Variants in PDCD11 observed in about 807,000 individuals in gnomAD.
The protein encoded by PDCD11 is programmed cell death 11, also known as protein RRP5 homolog.
PDCD11 carries 97 observed loss-of-function variants against 198.9 expected under a neutral mutation model. That is an observed-to-expected ratio of 0.49 (90% CI 0.41 to 0.58). PDCD11 has a LOEUF of 0.58. Ranked by LOEUF, PDCD11 falls within the 20% of genes least tolerant of loss-of-function variation. The probability of loss-of-function intolerance (pLI) is 0.00; values close to 1 mark genes in which losing one functional copy is unlikely to be tolerated. For synonymous variants in PDCD11, 893 were observed against 918.0 expected (o/e 0.97, Z 0.49); for missense variants, 2,102 against 2,312.7 (o/e 0.91, Z 1.87).
chr10:103,400,285 G>A, intron 2 of PDCD11, 112 bp from the exon 3 acceptor site: 1 of 863,828 alleles, frequency 1.2e-6, no homozygotes, highest in East Asian at 2.6e-5. Context: ...ATGGGGTAGG[G>A]TGGAGTGAAG....
At chr10:103,429,736 A>G (rs1166215718) in intron 21 of PDCD11, among the ~76,000 whole-genome samples, 1 of 152,010 alleles carries the variant, frequency 6.6e-6, no homozygotes, top group African/African-American at 2.4e-5. Flanking sequence ...TTATACAGCA[A>G]ATCTCTAGAA....
rs1373115713 is a variant in PDCD11, at chr10:103,444,625, A to G, written c.5387A>G (p.Asp1796Gly). The G allele has an allele frequency of 1.2e-6, 2 of 1,614,170 alleles. No homozygotes were observed. The highest frequency in any genetic ancestry group is 1.7e-6 in the Non-Finnish European group (2 of 1,180,036). The part of the protein sequence containing the change: ...NTLSTYPKRT[D>G]VWSVYIDMTI... ...CTGAGCACCTACCCAAAGCGCACAG[A>G]TGTCTGGTCGGTCTATATCGACATG... Residue 1796 changes from aspartate to glycine, a missense_variant, in exon 35 of 36, where the codon GAT (aspartate) becomes GGT (glycine). By Grantham distance (94) the Asp-to-Gly change is moderately conservative (BLOSUM62 -1). Transcript: ENST00000369797.
chr10:103,415,275 C>T, intron 12 of PDCD11, 124 bp downstream of exon 12: 1 of 944,322 alleles, frequency 1.1e-6, no homozygotes, highest in Non-Finnish European at 1.6e-6. Context: ...TGTGCTGTAC[C>T]TGGCATTGGG....
Position 103,416,643 on chromosome 10 carries a change from C to T in PDCD11, c.1671C>T (p.Cys557=). The change falls in exon 13 of 36, where the codon TGC becomes TGT. Residue 557 remains cysteine, a synonymous_variant. Coordinates refer to ENST00000369797, the MANE Select transcript of PDCD11 (RefSeq NM_014976.2). ...GFIIRVKDYG[C]IVKFYNNVQG... ...TCATCAGGGTCAAGGACTATGGCTGCATTGTGAAGTTCTACAACAATGTGC... is the reference window on the plus strand; with the variant it reads ...TCATCAGGGTCAAGGACTATGGCTGTATTGTGAAGTTCTACAACAATGTGC... 3 of 1,614,208 alleles carry T rather than the reference C, an allele frequency of 1.9e-6. No individual in the cohort carries two copies. The South Asian group carries it at 3.3e-5, about 18-fold the overall frequency.
At position 103,413,945 on chromosome 10, in the gene PDCD11, C is replaced by A. The variant is rs41287494; in HGVS notation, c.1186-21C>A. On this transcript the variant is annotated intron_variant, in intron 9 of 35. Transcript: ENST00000369797. ...AGACCTGTTGTCCCTGGCTTATCCT[C>A]AATCACTTGGTACTTTGCAGCTCAG... 9,396 of 1,594,736 alleles carry A rather than the reference C, an allele frequency of 5.9e-3. 39 individuals are homozygous for A. The highest frequency in any genetic ancestry group is 7.2e-3 in the Non-Finnish European group (8,422 of 1,169,724).
At chr10:103,420,357 T>C (rs1029737413) in intron 16 of PDCD11, among the ~76,000 whole-genome samples, 3 of 152,186 alleles carry the variant, frequency 2.0e-5, no homozygotes, top group Non-Finnish European at 2.9e-5. Context: ...CCTGAGCTAC[T>C]GAGTACAGGT....
intron 15 of PDCD11, 65 bp from the exon 16 acceptor site, chr10:103,419,473 G>A: frequency 6.5e-7 from 1 of 1,534,930 alleles, no homozygotes; most frequent in Non-Finnish European, 8.9e-7. Context: ...TGTGGAGAAA[G>A]GAGATGGGAG....
chr10:103,440,228 G>A, intron 28 of PDCD11, 62 bp from the exon 29 acceptor site: 1 of 1,543,646 alleles, frequency 6.5e-7, no homozygotes, highest in Non-Finnish European at 8.7e-7. Context: ...AAAGGCCTGG[G>A]CCGCCTGTGG....
chr10:103,419,363 T>G (rs1364492408), intron 15 of PDCD11, among the ~76,000 whole-genome samples, 175 bp from the exon 16 acceptor site: 4 of 152,200 alleles, frequency 2.6e-5, no homozygotes, highest in Admixed American at 2.6e-4. Context: ...GCTTGAGAAC[T>G]TGCATTTCTC....
intron 2 of PDCD11, chr10:103,399,526 C>G (rs1227324110): frequency 6.6e-6 from 1 of 152,122 alleles, no homozygotes; most frequent in East Asian, 1.9e-4. Context: ...TGCATTTTTA[C>G]AGGGGTTCCT....
In PDCD11 at chr10:103,441,856, C is replaced by T. The variant is rs767871708; in HGVS notation, c.4588C>T (p.Arg1530Trp). 2.4e-5 allele frequency: 39 copies of T among 1,613,976 alleles called. No individual in the cohort carries two copies. The Middle Eastern group carries it at 9.9e-4, about 41-fold the overall frequency. Reference protein sequence around the residue: ...EKQTKPAEAPRLQLSSGFAWN... With the variant: ...EKQTKPAEAPWLQLSSGFAWN... ...GCAAACCAAGCCAGCAGAAGCGCCC[C>T]GGCTGCAGCTGTCTTCAGGCTTCGC... Residue 1530 changes from arginine to tryptophan, a missense_variant, in exon 31 of 36, where the codon CGG becomes TGG. Transcript: ENST00000369797.
chr10:103,409,890 C>T, intron 8 of PDCD11, 84 bp downstream of exon 8: 1 of 965,986 alleles, frequency 1.0e-6, no homozygotes, highest in Non-Finnish European at 1.7e-6. Context: ...CAGGGAGGTC[C>T]TAGGACTGCA....
chr10:103,421,603 G>A (rs1459639565), intron 17 of PDCD11, 36 bp downstream of exon 17: 1 of 1,459,348 alleles, frequency 6.9e-7, no homozygotes, highest in African/African-American at 1.4e-5. Context: ...GTGGGCCAGG[G>A]GTGGGAGTAT....
intron 21 of PDCD11, among the ~76,000 whole-genome samples, chr10:103,430,142 C>T (rs1439943484): frequency 6.6e-6 from 1 of 152,090 alleles, no homozygotes; most frequent in Non-Finnish European, 1.5e-5. Context: ...AGGCACGCAC[C>T]AACATGCCTA....
At chr10:103,413,597 A>G (rs972835130) in intron 9 of PDCD11, among the ~76,000 whole-genome samples, 2 of 152,210 alleles carry the variant, frequency 1.3e-5, no homozygotes, top group Non-Finnish European at 2.9e-5. Context: ...TTAAAGGGCT[A>G]TGTCATAAAT....
At chr10:103,439,312 A>G (rs1426076698) in intron 27 of PDCD11, among the ~76,000 whole-genome samples, 1 of 152,240 alleles carries the variant, frequency 6.6e-6, no homozygotes, top group African/African-American at 2.4e-5. Flanking sequence ...TCTGACCTCC[A>G]GCCTGGGAGG....
At position 103,398,533 on chromosome 10, in the gene PDCD11, G is replaced by A. The variant is rs1427132964; in HGVS notation, c.102+5G>A. 2 of 1,576,024 alleles carry A rather than the reference G, an allele frequency of 1.3e-6. No homozygotes were observed. Among genetic ancestry groups the A allele is most frequent in the South Asian group, 1.1e-5 (1 of 90,324 alleles). ...GAACAAGACAACTTATTTGATGTAAGTAGTATGCTTGTTTGGTGACACTCA... is the reference window on the plus strand; with the variant it reads ...GAACAAGACAACTTATTTGATGTAAATAGTATGCTTGTTTGGTGACACTCA... On this transcript the variant is annotated splice_donor_5th_base_variant and intron_variant, in intron 2 of 35. Coordinates refer to ENST00000369797, the MANE Select transcript of PDCD11 (RefSeq NM_014976.2).
intron 19 of PDCD11, 148 bp downstream of exon 19, chr10:103,423,806 G>T: frequency 1.6e-6 from 1 of 631,718 alleles, no homozygotes; most frequent in Non-Finnish European, 2.8e-6. Flanking sequence ...TAGACCTCTT[G>T]TCCTGGTGTG....
In PDCD11 at chr10:103,409,762, C is replaced by T; in HGVS notation, c.934C>T (p.His312Tyr). The change falls in exon 8 of 36, where the codon CAC becomes TAC. Residue 312 changes from histidine (H) to tyrosine (Y), a missense_variant. Transcript: ENST00000369797. ...TFFTGVVDFM[H>Y]LDPKKAGTYF... ...CTTCACGGGCGTGGTTGACTTTATG[C>T]ACCTGGATCCCAAGAAAGCTGGAAC... is the stretch of plus-strand genomic sequence containing the variant. 6.2e-7 allele frequency: 1 copy of T among 1,614,026 alleles called. No homozygotes were observed. The highest frequency in any genetic ancestry group is 8.5e-7 in the Non-Finnish European group (1 of 1,179,898).
Sources: gnomAD v4.1 joint callset for allele counts (sites outside exome capture counted in the v4.1 genomes callset) on GRCh38, gnomAD v4.1.1 for gene constraint, MANE v1.5 for transcripts, NCBI Gene and HGNC (gene_info 2026-07-23, HGNC 2026-07-21) for gene names.